The following CD5 variants were observed in gnomAD, a reference collection of about 807,000 sequenced individuals.
The protein encoded by CD5 is CD5 molecule, also known as T-cell surface glycoprotein CD5.
A neutral mutation model predicts 60.3 loss-of-function variants in CD5; 36 were observed. That is an observed-to-expected ratio of 0.60 (90% confidence interval 0.46 to 0.79). The LOEUF (loss-of-function observed/expected upper bound fraction) is 0.79, where lower values mean the gene tolerates loss of function less well. Among genes scored for constraint, CD5 ranks in the 30% least tolerant of loss-of-function variants. The pLI, the probability that CD5 is intolerant of heterozygous loss-of-function variation, is 0.00. For synonymous variants in CD5, 230 were observed against 257.6 expected, an observed-to-expected ratio of 0.89 and a Z score of 1.03; for missense variants, 540 against 630.6, an observed-to-expected ratio of 0.86 and a Z score of 1.54.
rs1175265387 is a variant in CD5 at position 61,127,390 on chromosome 11, C to T, written c.*1105C>T. On this transcript the variant is annotated 3_prime_UTR_variant, in exon 11 of 11. Transcript: ENST00000347785. ...CACATCCTAAGACAGGTCCTTTCTC[C>T]ACGCCATTTGATGCTGTATCTCCTG... is the stretch of plus-strand genomic sequence containing the variant. 1 of 103,374 alleles carries T rather than the reference C, an allele frequency of 9.7e-6. No individual in the cohort carries two copies. The highest frequency in any genetic ancestry group is 2.0e-5 in the Non-Finnish European group (1 of 49,668). 6.4% of individuals were successfully genotyped at this position (103,374 alleles called of 1,614,324 possible). A position where few individuals can be genotyped will look rare whatever the true frequency, so the allele number is the denominator to read the frequency against.
In CD5 at chr11:61,121,687, G is replaced by A. The variant is rs35979264; in HGVS notation, c.882G>A (p.Gly294=). The A allele has an allele frequency of 0.01, 16,290 of 1,595,164 alleles. 1,427 individuals carry two copies. In the African/African-American group the frequency reaches 0.19, roughly 19 times the overall value. The change falls in exon 6 of 11, where the codon GGG becomes GGA. Residue 294 remains glycine, a synonymous_variant. Transcript: ENST00000347785. ...AAGGCACCGTGGAGGTGCGCCAGGG[G>A]GCTCAGTGGGCAGCCCTGTGTGACA... ...ICEGTVEVRQ[G]AQWAALCDSS... is the part of the protein sequence containing the mutation.
chr11:61,098,487 C>T (rs1245546290), upstream of CD5, among the ~76,000 whole-genome samples: 6 of 152,212 alleles, frequency 3.9e-5, no homozygotes, highest in Non-Finnish European at 8.8e-5. Flanking sequence ...GAAATCTGCT[C>T]GGCACCACAC....
chr11:61,118,059 A>T lies in CD5; in HGVS notation c.95-116A>T. 9.2e-7 allele frequency: 1 copy of T among 1,083,264 alleles called. No homozygotes were observed. The allele number at this position is 1,083,264 out of a possible 1,614,324, so 67.1% of individuals were successfully genotyped here. ...GGACGAAGCTCACAAGGGGCAAGGC[A>T]GGCAGCCCACGGGGCAGGAGGGAGC... On this transcript the variant is annotated intron_variant, in intron 2 of 10. Coordinates refer to ENST00000347785, the MANE Select transcript of CD5 (RefSeq NM_014207.4). The surrounding 1 kb of genome is among the most constrained non-coding windows in gnomAD (Gnocchi z 4.7).
chr11:61,107,226 T>TG (rs1194154786), intron 1 of CD5, among the ~76,000 whole-genome samples: 3 of 152,114 alleles, frequency 2.0e-5, no homozygotes, highest in African/African-American at 7.2e-5. Flanking sequence ...GCCCACCGTG[T>TG]GGGACCTGAG....
upstream of CD5, among the ~76,000 whole-genome samples, chr11:61,101,398 ACGT>A (rs1860683504): frequency 1.6e-5 from 1 of 61,458 alleles, no homozygotes; most frequent in Non-Finnish European, 3.3e-5. Flanking sequence ...TCACACACAC[ACGT>A]CAACATGGAG....
Position 61,125,833 on chromosome 11 carries a change from G to A in CD5, c.1482G>A (p.Arg494=). The A allele has an allele frequency of 1.2e-6, 2 of 1,606,230 alleles. No individual in the cohort carries two copies. Among genetic ancestry groups the A allele is most frequent in the Non-Finnish European group, 1.7e-6 (2 of 1,175,050 alleles). Residue 494 remains arginine, a synonymous_variant, in exon 10 of 11, where the codon AGG becomes AGA. Coordinates refer to ENST00000347785, the MANE Select transcript of CD5 (RefSeq NM_014207.4). The part of the protein sequence containing the change: ...DSDYDLHGAQ[R]L ...ACTATGATCTGCATGGGGCTCAGAG[G>A]CTGTAAAGGTGAGCCCGTCTCCAGC...
intron 1 of CD5, 144 bp from the exon 2 acceptor site, chr11:61,114,912 T>G: frequency 3.4e-6 from 2 of 585,062 alleles, no homozygotes; most frequent in Non-Finnish European, 5.7e-6. Context: ...CAACCTGGAG[T>G]ATGAAAATTC....
rs1565185853 is a variant in CD5 at position 61,118,859 on chromosome 11, G to T, written c.401-56G>T. On this transcript the variant is annotated intron_variant, in intron 3 of 10. Coordinates refer to ENST00000347785, the MANE Select transcript of CD5 (RefSeq NM_014207.4). This position sits in a 1 kb window ranked among gnomAD's most constrained non-coding sequence, Gnocchi z 4.7. ...CCTGGTCCTCTCAAGGCTGCTGGCT[G>T]CCCCCGGCCCTCCCCACACCACCCA... is the stretch of plus-strand genomic sequence containing the variant. The T allele has an allele frequency of 1.5e-6, 2 of 1,303,316 alleles. No individual in the cohort carries two copies. The highest frequency in any genetic ancestry group is 2.2e-6 in the Non-Finnish European group (2 of 905,244). The allele number at this position is 1,303,316 out of a possible 1,614,324, so 80.7% of individuals were successfully genotyped here. A position where few individuals can be genotyped will look rare whatever the true frequency, so the allele number is the denominator to read the frequency against.
rs1372348497 is a variant in CD5, at chr11:61,118,075, A to C, written c.95-100A>C. On this transcript the variant is annotated intron_variant, in intron 2 of 10. Coordinates refer to ENST00000347785, the MANE Select transcript of CD5 (RefSeq NM_014207.4). This position sits in a 1 kb window ranked among gnomAD's most constrained non-coding sequence, Gnocchi z 4.7. The stretch of plus-strand genomic sequence containing the variant: ...GGGCAAGGCAGGCAGCCCACGGGGC[A>C]GGAGGGAGCTCAACTGGGCGTCCTA... The C allele has an allele frequency of 4.0e-6, 5 of 1,254,414 alleles. No homozygotes were observed. Among genetic ancestry groups the C allele is most frequent in the Non-Finnish European group, 5.6e-6 (5 of 886,774 alleles). The allele number at this position is 1,254,414 out of a possible 1,614,324, so 77.7% of individuals were successfully genotyped here. A position where few individuals can be genotyped will look rare whatever the true frequency, so the allele number is the denominator to read the frequency against.
chr11:61,113,294 C>A (rs1860885095), intron 1 of CD5, among the ~76,000 whole-genome samples: 1 of 152,256 alleles, frequency 6.6e-6, no homozygotes, highest in Non-Finnish European at 1.5e-5. Context: ...GAGCTTGCTA[C>A]TTCACCTCGT....
At chr11:61,116,599 CCA>C (rs1289263044) in intron 2 of CD5, among the ~76,000 whole-genome samples, 6 of 48,636 alleles carry the variant, frequency 1.2e-4, no homozygotes, top group Non-Finnish European at 1.3e-4. Context: ...ACACTACACA[CCA>C]CACACCACAC....
At chr11:61,095,955 A>G in the CD5 span, among the ~76,000 whole-genome samples, 315 of 152,368 alleles carry the variant, frequency 2.1e-3, 3 homozygotes, top group African/African-American at 7.3e-3. Context: ...GTTTGCGGGT[A>G]TGAATACCTC....
upstream of CD5, among the ~76,000 whole-genome samples, chr11:61,099,480 A>ACACACACACAACATGGAGAT (rs1393403491): frequency 3.7e-4 from 55 of 147,416 alleles, 1 homozygote; most frequent in African/African-American, 1.4e-3. Flanking sequence ...CATGGAGATC[A>ACACACACACAACATGGAGAT]CACACACATC....
intron 2 of CD5, among the ~76,000 whole-genome samples, chr11:61,115,624 G>A (rs113973719): frequency 5.3e-5 from 8 of 152,304 alleles, no homozygotes; most frequent in South Asian, 2.1e-4. Context: ...AGTGTACACC[G>A]GCCCAGTAAA....
rs578232926 is a variant in CD5, at chr11:61,123,943, T to G, written c.1279+6T>G. Reference sequence around the variant, plus strand: ...AACGGGAATGAACCAAAACAGTAAGTGTCCCCGGAGGCAGGAGCCTCCCTC... The same window carrying G: ...AACGGGAATGAACCAAAACAGTAAGGGTCCCCGGAGGCAGGAGCCTCCCTC... On this transcript the variant is annotated splice_donor_region_variant and intron_variant, in intron 8 of 10. Coordinates refer to ENST00000347785, the MANE Select transcript of CD5 (RefSeq NM_014207.4). 6.2e-7 allele frequency: 1 copy of G among 1,612,498 alleles called. No individual in the cohort carries two copies. Among genetic ancestry groups the G allele is most frequent in the South Asian group, 1.1e-5 (1 of 91,022 alleles).
intron 7 of CD5, 73 bp downstream of exon 7, chr11:61,123,105 AG>A: frequency 6.8e-7 from 1 of 1,470,840 alleles, no homozygotes; most frequent in Admixed American, 2.1e-5. Context: ...AGTCCTCCGG[AG>A]GAGGGGTCAT....
intron 9 of CD5, 74 bp downstream of exon 9, chr11:61,125,225 CT>C: frequency 6.4e-7 from 1 of 1,560,748 alleles, no homozygotes; most frequent in Non-Finnish European, 8.8e-7. Context: ...ACGTGATGCC[CT>C]TGAAGGTCGG....
chr11:61,110,455 G>T (rs1201655291), intron 1 of CD5, among the ~76,000 whole-genome samples: 1 of 152,256 alleles, frequency 6.6e-6, no homozygotes, highest in African/African-American at 2.4e-5. Flanking sequence ...AGGCTGAGTG[G>T]CTTGCCAAGG....
At chr11:61,114,449 T>C (rs1213152535) in intron 1 of CD5, among the ~76,000 whole-genome samples, 1 of 144,716 alleles carries the variant, frequency 6.9e-6, no homozygotes, top group African/African-American at 2.8e-5. Flanking sequence ...CACACACACA[T>C]ACATGCATAC....
Sources: gnomAD v4.1 joint callset for allele counts (sites outside exome capture counted in the v4.1 genomes callset) on GRCh38, gnomAD v4.1.1 for gene constraint, Gnocchi (gnomAD v3.1) non-coding constraint, MANE v1.5 for transcripts, NCBI Gene and HGNC (gene_info 2026-07-23, HGNC 2026-07-21) for gene names.